Variants in PARM1 observed in about 807,000 individuals in gnomAD.
The protein encoded by PARM1 is WSC4, cell wall integrity and stress response component 4 homolog.
Under a neutral mutation model 24.6 loss-of-function variants are expected in PARM1, and 14 were observed. The ratio of observed to expected loss-of-function variants is 0.57; its 90% confidence interval spans 0.38 to 0.89. The LOEUF (loss-of-function observed/expected upper bound fraction) is 0.89. Ranked by LOEUF, PARM1 falls within the 40% of genes least tolerant of loss-of-function variation. The probability of loss-of-function intolerance (pLI) is 0.00; values close to 1 mark genes in which losing one functional copy is unlikely to be tolerated. For missense variants in PARM1, 362 were observed against 380.4 expected (o/e 0.95, Z 0.40); for synonymous variants, 179 against 156.6 (o/e 1.14, Z -1.07).
chr4:74,947,700 G>C (rs936811566), intron 1 of PARM1, among the ~76,000 whole-genome samples: 1 of 152,194 alleles, frequency 6.6e-6, no homozygotes, highest in Non-Finnish European at 1.5e-5. Context: ...ATATGGGAGT[G>C]GGAATATTAT....
rs762055148 is a variant in PARM1, at chr4:75,013,062, C to A, written c.681C>A (p.Gly227=). 2.5e-6 allele frequency: 4 copies of A among 1,613,968 alleles called. No individual in the cohort carries two copies. The highest frequency in any genetic ancestry group is 3.4e-6 in the Non-Finnish European group (4 of 1,179,868). The change falls in exon 2 of 4, where the codon GGC becomes GGA. Residue 227 remains glycine (G), a synonymous_variant. Transcript: ENST00000307428. ...AAACACCCCCAACAACTGTGTCAGGCAAAGTGATGTGTGAGCTCATAGACA... is the reference window on the plus strand; with the variant it reads ...AAACACCCCCAACAACTGTGTCAGGAAAAGTGATGTGTGAGCTCATAGACA... ...QEKTPPTTVS[G]KVMCELIDME...
intron 1 of PARM1, among the ~76,000 whole-genome samples, chr4:75,005,522 ACT>A (rs1310029865): frequency 6.6e-5 from 10 of 151,818 alleles, no homozygotes; most frequent in African/African-American, 1.7e-4. Context: ...CAGAAGGCAG[ACT>A]CTCTACGCTA....
intron 1 of PARM1, among the ~76,000 whole-genome samples, chr4:74,955,275 A>G (rs1294747174): frequency 6.6e-6 from 1 of 151,976 alleles, no homozygotes; most frequent in African/African-American, 2.4e-5. Flanking sequence ...CAGTTGTGGT[A>G]AGGTCACTGA....
At chr4:74,969,505 T>C (rs749513204) in intron 1 of PARM1, 2 of 152,112 alleles carry the variant, frequency 1.3e-5, no homozygotes, top group African/African-American at 4.8e-5. Flanking sequence ...TGGTCCTCTG[T>C]AGTCAGAGGA....
chr4:74,946,221 T>C (rs1322260108), intron 1 of PARM1, among the ~76,000 whole-genome samples: 2 of 152,198 alleles, frequency 1.3e-5, no homozygotes, highest in South Asian at 2.1e-4. Flanking sequence ...GGACTAGACG[T>C]TGAACCCAGG....
At chr4:75,031,824 T>C (rs1012510044) in intron 2 of PARM1, among the ~76,000 whole-genome samples, 2 of 152,350 alleles carry the variant, frequency 1.3e-5, no homozygotes, top group Admixed American at 6.5e-5. Context: ...TTGCAATGAC[T>C]GTATCTTTTT....
At chr4:74,987,799 C>G (rs1012415159) in intron 1 of PARM1, among the ~76,000 whole-genome samples, 1 of 152,176 alleles carries the variant, frequency 6.6e-6, no homozygotes, top group Non-Finnish European at 1.5e-5. Flanking sequence ...TGTAAAGAAG[C>G]AAGTTGGCAC....
At chr4:74,938,616 G>A (rs550023195) in intron 1 of PARM1, among the ~76,000 whole-genome samples, 7 of 152,224 alleles carry the variant, frequency 4.6e-5, no homozygotes, top group South Asian at 4.1e-4. Flanking sequence ...TCTGCAAGCC[G>A]GGCAACTATT....
intron 1 of PARM1, chr4:74,967,850 C>T (rs1003129299): frequency 2.0e-5 from 3 of 152,146 alleles, no homozygotes; most frequent in Admixed American, 6.5e-5. Context: ...TAATAAGCAA[C>T]ACATAGACGG....
intron 1 of PARM1, among the ~76,000 whole-genome samples, chr4:75,005,922 T>C (rs1722760439): frequency 6.6e-6 from 1 of 152,210 alleles, no homozygotes; most frequent in Non-Finnish European, 1.5e-5. Context: ...CTTCCCTGAA[T>C]CTGTCCCTTT....
intron 2 of PARM1, among the ~76,000 whole-genome samples, chr4:75,023,628 G>A (rs1723126141): frequency 1.3e-5 from 2 of 152,290 alleles, no homozygotes; most frequent in Non-Finnish European, 2.9e-5. Flanking sequence ...ATACAGAAAA[G>A]CATAGTCCAA....
chr4:74,975,925 A>T (rs780641296), intron 1 of PARM1, among the ~76,000 whole-genome samples: 65 of 152,178 alleles, frequency 4.3e-4, no homozygotes, highest in Non-Finnish European at 1.2e-4. Context: ...GACCAACTAG[A>T]CAGTTGGTAC....
In PARM1 at chr4:74,984,343, C is replaced by A. The variant is rs578100908; in HGVS notation, c.44-28082C>A. ...TTTAACAACCTTTTTCATGCCTTGA[C>A]CCACATAGAAAATGATAAATATTTG... On this transcript the variant is annotated intron_variant, in intron 1 of 3. Coordinates refer to ENST00000307428, the MANE Select transcript of PARM1 (RefSeq NM_015393.4). 2.0e-5 allele frequency among the ~76,000 whole-genome samples: 3 copies of A among 152,274 alleles called. No homozygotes were observed. In the South Asian group the frequency reaches 6.2e-4, roughly 32 times the overall value.
Position 74,991,666 on chromosome 4 carries a change from C to T in PARM1, c.44-20759C>T, listed in dbSNP as rs541654480. 2.6e-5 allele frequency among the ~76,000 whole-genome samples: 4 copies of T among 152,262 alleles called. No individual in the cohort carries two copies. In the South Asian group the frequency reaches 8.3e-4, roughly 32 times the overall value. ...TCAAGACTGGAAATAATTCACGTTT[C>T]CAGCAGCCAGAGGAAAGAACCCTTG... On this transcript the variant is annotated intron_variant, in intron 1 of 3. Coordinates refer to ENST00000307428, the MANE Select transcript of PARM1 (RefSeq NM_015393.4).
chr4:74,962,603 T>C (rs558152898), intron 1 of PARM1, among the ~76,000 whole-genome samples: 14 of 152,144 alleles, frequency 9.2e-5, no homozygotes, highest in African/African-American at 3.1e-4. Context: ...AGTGAAAACA[T>C]GGAAAAAAGT....
At position 74,965,440 on chromosome 4, in the gene PARM1, A is replaced by T. The variant is rs966451196; in HGVS notation, c.43+32070A>T. ...ACAGGTGCTGTCATTCCTTTGTAAA[A>T]GGGCAAAAACGGATATTAGAGGGGA... is the stretch of plus-strand genomic sequence containing the variant. On this transcript the variant is annotated intron_variant, in intron 1 of 3. Transcript: ENST00000307428. 4 of 152,190 alleles carry T rather than the reference A, an allele frequency of 2.6e-5. No homozygotes were observed. The East Asian group carries it at 7.7e-4, about 29-fold the overall frequency. The allele number at this position is 152,190 out of a possible 1,614,324, so 9.4% of individuals were successfully genotyped here. A position where few individuals can be genotyped will look rare whatever the true frequency, so the allele number is the denominator to read the frequency against.
At chr4:75,004,317 A>G (rs1397905869) in intron 1 of PARM1, among the ~76,000 whole-genome samples, 2 of 152,244 alleles carry the variant, frequency 1.3e-5, no homozygotes, top group Non-Finnish European at 1.5e-5. Flanking sequence ...CCTAGCCTGA[A>G]GGGGTACAAG....
At chr4:74,943,886 A>G (rs1281997353) in intron 1 of PARM1, among the ~76,000 whole-genome samples, 1 of 152,246 alleles carries the variant, frequency 6.6e-6, no homozygotes, top group Non-Finnish European at 1.5e-5. Context: ...TTAGTCACTA[A>G]TAAGCTCAAG....
rs368277314 is a variant in PARM1, at chr4:75,012,693, C to T, written c.312C>T (p.Pro104=). Residue 104 remains proline (P), a synonymous_variant, in exon 2 of 4, where the codon CCC becomes CCT. Coordinates refer to ENST00000307428, the MANE Select transcript of PARM1 (RefSeq NM_015393.4). ...ATTGGGAAGGCACAAACACAGACCCCTCACCTTCTGGGTTCTCGTCAACAA... is the reference window on the plus strand; with the variant it reads ...ATTGGGAAGGCACAAACACAGACCCTTCACCTTCTGGGTTCTCGTCAACAA... The part of the protein sequence containing the change: ...GSNWEGTNTD[P]SPSGFSSTSG... The T allele has an allele frequency of 3.7e-5, 59 of 1,613,866 alleles. No homozygotes were observed. The highest frequency in any genetic ancestry group is 4.6e-5 in the Non-Finnish European group (54 of 1,179,890).
Sources: allele counts gnomAD v4.1 joint callset (sites outside exome capture counted in the v4.1 genomes callset), GRCh38; gene constraint gnomAD v4.1.1; transcripts MANE v1.5; gene names NCBI Gene and HGNC (gene_info 2026-07-23, HGNC 2026-07-21).